The following KLHDC10 variants were observed in gnomAD, a reference collection of about 807,000 sequenced individuals.
KLHDC10 encodes the protein kelch domain-containing protein 10.
In KLHDC10, 24 loss-of-function variants were observed where a neutral mutation model predicts 56.1. The observed-to-expected ratio is 0.43, with a 90% CI of 0.31 to 0.60. The LOEUF (loss-of-function observed/expected upper bound fraction) is 0.60, where lower values mean the gene tolerates loss of function less well. Ranked by LOEUF, KLHDC10 falls within the 20% of genes least tolerant of loss-of-function variation. KLHDC10 has a pLI of 0.11. For synonymous variants in KLHDC10, 188 were observed against 207.1 expected (o/e 0.91, Z 0.79); for missense variants, 349 against 567.0 (o/e 0.62, Z 3.91).
chr7:130,132,631 T>C lies in KLHDC10; in HGVS notation c.*1885T>C, dbSNP rs1299144158. 2.0e-5 allele frequency: 3 copies of C among 152,194 alleles called. No homozygotes were observed. Among genetic ancestry groups the C allele is most frequent in the Non-Finnish European group, 1.5e-5 (1 of 68,068 alleles). The allele number at this position is 152,194 out of a possible 1,614,324, so 9.4% of individuals were successfully genotyped here. ...GGGCCCATCCTCCCACATCTTGCCA[T>C]TACCAGTCTGTGTAGCACTTAACCT... On this transcript the variant is annotated 3_prime_UTR_variant, in exon 10 of 10. Coordinates refer to ENST00000335420, the MANE Select transcript of KLHDC10 (RefSeq NM_014997.4).
At chr7:130,085,350 A>AG (rs1160131479) in intron 1 of KLHDC10, among the ~76,000 whole-genome samples, 1 of 151,642 alleles carries the variant, frequency 6.6e-6, no homozygotes, top group Non-Finnish European at 1.5e-5. Context: ...AAAAAAAAAA[A>AG]GAATATTTTT....
intron 2 of KLHDC10, among the ~76,000 whole-genome samples, chr7:130,098,464 G>T (rs1795882181): frequency 6.6e-6 from 1 of 152,126 alleles, no homozygotes; most frequent in African/African-American, 2.4e-5. Flanking sequence ...CTGCATTCCA[G>T]CCTGGGCGAT....
chr7:130,082,634 C>T (rs1795624368), intron 1 of KLHDC10, among the ~76,000 whole-genome samples: 1 of 152,178 alleles, frequency 6.6e-6, no homozygotes, highest in African/African-American at 2.4e-5. Flanking sequence ...GCCTATTTTA[C>T]TTCTCTCTGT....
chr7:130,096,667 T>C (rs1371044955), intron 1 of KLHDC10, among the ~76,000 whole-genome samples: 1 of 152,172 alleles, frequency 6.6e-6, no homozygotes. Context: ...CACATGCTAT[T>C]GAACCAGAAT....
intron 2 of KLHDC10, among the ~76,000 whole-genome samples, chr7:130,106,230 A>G (rs1368191114): frequency 1.3e-5 from 2 of 152,200 alleles, no homozygotes; most frequent in African/African-American, 2.4e-5. Flanking sequence ...CAATAAAAGG[A>G]GTTAAATTTA....
intron 3 of KLHDC10, among the ~76,000 whole-genome samples, chr7:130,119,207 C>A (rs1346876552): frequency 7.3e-5 from 9 of 123,192 alleles, no homozygotes; most frequent in Admixed American, 8.3e-5. Context: ...GACTCCAACT[C>A]AAAAAAAAAA....
rs753073336 is a variant in KLHDC10, at chr7:130,129,424, C to CT, written c.980-9dup. The CT allele has an allele frequency of 1.2e-6, 2 of 1,612,602 alleles. No individual in the cohort carries two copies. The highest frequency in any genetic ancestry group is 1.7e-6 in the Non-Finnish European group (2 of 1,179,698). ...TTCCTTTGTGTGATCTTGGCTTTCT[C>CT]TTTTCTTCATAGATGTATTTATTTG... is the stretch of plus-strand genomic sequence containing the variant. On this transcript the variant is annotated splice_polypyrimidine_tract_variant and intron_variant, in intron 8 of 9. Transcript: ENST00000335420.
intron 2 of KLHDC10, among the ~76,000 whole-genome samples, chr7:130,106,935 C>T (rs971158531): frequency 1.3e-5 from 2 of 152,110 alleles, no homozygotes; most frequent in Non-Finnish European, 2.9e-5. Flanking sequence ...TACACTGCTA[C>T]GTTCCAGCCT....
chr7:130,125,715 G>A, intron 6 of KLHDC10, 150 bp from the exon 7 acceptor site: 1 of 624,438 alleles, frequency 1.6e-6, no homozygotes, highest in African/African-American at 1.9e-5. Flanking sequence ...CCAGTTTTCT[G>A]TATGGAAAAT....
At chr7:130,090,553 A>G (rs901176931) in intron 1 of KLHDC10, among the ~76,000 whole-genome samples, 8 of 151,280 alleles carry the variant, frequency 5.3e-5, no homozygotes, top group African/African-American at 1.9e-4. Flanking sequence ...ATGCCACTGC[A>G]CTCTTGCCTG....
chr7:130,118,006 A>C (rs536837444), intron 3 of KLHDC10, among the ~76,000 whole-genome samples: 214 of 151,874 alleles, frequency 1.4e-3, no homozygotes, highest in African/African-American at 5.0e-3. Flanking sequence ...TCTACAAAAA[A>C]CACACACACA....
chr7:130,120,771 G>A lies in KLHDC10; in HGVS notation c.498G>A (p.Leu166=). The change falls in exon 4 of 10, where the codon CTG becomes CTA. Residue 166 remains leucine (L), a synonymous_variant. Coordinates refer to ENST00000335420, the MANE Select transcript of KLHDC10 (RefSeq NM_014997.4). The surrounding 1 kb of genome is among the most constrained non-coding windows in gnomAD (Gnocchi z 5.1). The part of the protein sequence containing the change: ...SMSLVLHGNN[L]LVFGGTGIPF... Reference sequence around the variant, plus strand: ...CAGTTGTGCTGCATGGAAACAACCTGTTAGTATTTGGAGGTACGGGCATCC... The same window carrying A: ...CAGTTGTGCTGCATGGAAACAACCTATTAGTATTTGGAGGTACGGGCATCC... 1 of 1,614,084 alleles carries A rather than the reference G, an allele frequency of 6.2e-7. No homozygotes were observed. Among genetic ancestry groups the A allele is most frequent in the South Asian group, 1.1e-5 (1 of 91,074 alleles).
chr7:130,103,332 G>A (rs1459199155), intron 2 of KLHDC10, among the ~76,000 whole-genome samples: 2 of 151,666 alleles, frequency 1.3e-5, no homozygotes, highest in African/African-American at 4.8e-5. Flanking sequence ...AGGCTGAGGC[G>A]GGGAATTGCT....
chr7:130,103,522 C>T (rs1795964608), intron 2 of KLHDC10, among the ~76,000 whole-genome samples: 1 of 151,752 alleles, frequency 6.6e-6, no homozygotes, highest in African/African-American at 2.4e-5. Flanking sequence ...ACAGAAAGTA[C>T]CTCCCTATAC....
chr7:130,130,717 A>C lies in KLHDC10; in HGVS notation c.1300A>C (p.Thr434Pro), dbSNP rs1465527314. The C allele has an allele frequency of 6.2e-7, 1 of 1,614,156 alleles. No individual in the cohort carries two copies. The highest frequency in any genetic ancestry group is 8.5e-7 in the Non-Finnish European group (1 of 1,180,014). Reference sequence around the variant, plus strand: ...AACACAACTTCTGCACCTTGGACTCACACAGGGACTCATCGAACGCTTGAA... The same window carrying C: ...AACACAACTTCTGCACCTTGGACTCCCACAGGGACTCATCGAACGCTTGAA... ...SRTQLLHLGL[T>P]QGLIERLK Residue 434 changes from threonine (T) to proline (P), a missense_variant, in exon 10 of 10, where the codon ACA becomes CCA. Around this residue, in one of 2 missense-constraint regions of KLHDC10, gnomAD observed 245 missense variants for 470.1 expected, o/e 0.52. Transcript: ENST00000335420. This position sits in a 1 kb window ranked among gnomAD's most constrained non-coding sequence, Gnocchi z 4.2.
rs1317080225 is a variant in KLHDC10, at chr7:130,112,921, G to C, written c.254-3524G>C. On this transcript the variant is annotated intron_variant, in intron 2 of 9. Coordinates refer to ENST00000335420, the MANE Select transcript of KLHDC10 (RefSeq NM_014997.4). ...AGAAACCAACAGTTGGGCTGGATCA[G>C]CACTGTGTCAGAAATAGGTAAACCA... Among the ~76,000 whole-genome samples the C allele has an allele frequency of 1.3e-5, 2 of 152,126 alleles. 1 individual carries two copies. Among genetic ancestry groups the C allele is most frequent in the Middle Eastern group, 6.3e-3 (2 of 316 alleles).
chr7:130,107,971 C>T (rs1171986929), intron 2 of KLHDC10, among the ~76,000 whole-genome samples: 2 of 151,260 alleles, frequency 1.3e-5, no homozygotes, highest in Non-Finnish European at 2.9e-5. Flanking sequence ...GGTGAGACCG[C>T]GCCACTGCAC....
rs1369365885 is a variant in KLHDC10, at chr7:130,133,822, G to A, written c.*3076G>A. 1.3e-5 allele frequency: 2 copies of A among 152,090 alleles called. No homozygotes were observed. Among genetic ancestry groups the A allele is most frequent in the African/African-American group, 4.8e-5 (2 of 41,424 alleles). 9.4% of individuals were successfully genotyped at this position (152,090 alleles called of 1,614,324 possible). A position where few individuals can be genotyped will look rare whatever the true frequency, so the allele number is the denominator to read the frequency against. On this transcript the variant is annotated 3_prime_UTR_variant, in exon 10 of 10. Transcript: ENST00000335420. ...TACTTTATTAAATGAAGAAAATGAT[G>A]CTTTCTTCATTTAATATTTTCCACA...
At chr7:130,095,541 C>G (rs1321745662) in intron 1 of KLHDC10, among the ~76,000 whole-genome samples, 1 of 152,110 alleles carries the variant, frequency 6.6e-6, no homozygotes, top group Non-Finnish European at 1.5e-5. Context: ...AAGACTTAGA[C>G]TATTAAAAGA....
Sources: gnomAD v4.1 joint callset for allele counts (sites outside exome capture counted in the v4.1 genomes callset) on GRCh38, gnomAD v4.1.1 for gene constraint, gnomAD v4.1.1 regional missense constraint, Gnocchi (gnomAD v3.1) non-coding constraint, MANE v1.5 for transcripts, NCBI Gene and HGNC (gene_info 2026-07-23, HGNC 2026-07-21) for gene names.